The following FER variants were observed in gnomAD, a reference collection of about 807,000 sequenced individuals.
The protein encoded by FER is tyrosine-protein kinase Fer.
FER carries 63 observed loss-of-function variants against 111.0 expected under a neutral mutation model. The observed-to-expected ratio is 0.57, with a 90% CI of 0.46 to 0.70. The LOEUF (loss-of-function observed/expected upper bound fraction) is 0.70, where lower values mean the gene tolerates loss of function less well. FER is among the 30% of genes least tolerant of loss of function. The pLI is 0.00. For synonymous variants in FER, 327 were observed against 313.9 expected, an observed-to-expected ratio of 1.04 and a Z score of -0.44; for missense variants, 914 against 954.0, an observed-to-expected ratio of 0.96 and a Z score of 0.55.
chr5:108,915,634 A>G (rs1199284758), intron 10 of FER, among the ~76,000 whole-genome samples: 2 of 151,904 alleles, frequency 1.3e-5, no homozygotes, highest in Non-Finnish European at 2.9e-5. Context: ...CCTAATTAAA[A>G]TTTAATTTTG....
At chr5:108,812,457 G>A (rs1757864204) in intron 3 of FER, among the ~76,000 whole-genome samples, 1 of 152,092 alleles carries the variant, frequency 6.6e-6, no homozygotes, top group African/African-American at 2.4e-5. Context: ...TGGTATATTT[G>A]AAGTGGGTTT....
chr5:108,790,949 GT>G (rs1177561388), intron 2 of FER, among the ~76,000 whole-genome samples: 1 of 152,128 alleles, frequency 6.6e-6, no homozygotes, highest in African/African-American at 2.4e-5. Flanking sequence ...CATTTTCAAG[GT>G]TCATCCATGT....
At chr5:109,018,764 C>T (rs1183241069) in intron 13 of FER, among the ~76,000 whole-genome samples, 1 of 151,728 alleles carries the variant, frequency 6.6e-6, no homozygotes, top group African/African-American at 2.4e-5. Flanking sequence ...TCATCAAGTT[C>T]TGTAAGCAAA....
At chr5:109,161,106 G>A (rs1317945483) in intron 17 of FER, among the ~76,000 whole-genome samples, 3 of 152,070 alleles carry the variant, frequency 2.0e-5, no homozygotes, top group African/African-American at 7.2e-5. Context: ...AGGAGCAATG[G>A]CTTAAAGTAA....
intron 2 of FER, among the ~76,000 whole-genome samples, chr5:108,773,556 A>G (rs952862787): frequency 7.2e-5 from 11 of 152,136 alleles, no homozygotes; most frequent in East Asian, 3.8e-4. Flanking sequence ...ATAGTATTCC[A>G]TGGTATATAT....
chr5:109,025,147 T>C (rs1337481567), intron 13 of FER, among the ~76,000 whole-genome samples: 1 of 152,028 alleles, frequency 6.6e-6, no homozygotes, highest in African/African-American at 2.4e-5. Context: ...TTTTTTCCAA[T>C]TCTGTGAAGA....
At chr5:108,780,050 T>A (rs1254645240) in intron 2 of FER, among the ~76,000 whole-genome samples, 1 of 152,192 alleles carries the variant, frequency 6.6e-6, no homozygotes, top group Non-Finnish European at 1.5e-5. Context: ...TTAGATCGAC[T>A]GAGAGTGAGA....
intron 3 of FER, among the ~76,000 whole-genome samples, chr5:108,804,958 A>G (rs1187922104): frequency 1.4e-5 from 2 of 142,998 alleles, no homozygotes; most frequent in African/African-American, 2.7e-5. Context: ...CTGTGAATCC[A>G]TTTAGTCTGC....
intron 3 of FER, among the ~76,000 whole-genome samples, chr5:108,802,817 C>G (rs1259869505): frequency 6.6e-6 from 1 of 152,106 alleles, no homozygotes; most frequent in Non-Finnish European, 1.5e-5. Flanking sequence ...AAACAGGTGT[C>G]TGTTTGGTAG....
At chr5:108,777,394 T>C (rs1403773425) in intron 2 of FER, among the ~76,000 whole-genome samples, 1 of 152,232 alleles carries the variant, frequency 6.6e-6, no homozygotes, top group South Asian at 2.1e-4. Flanking sequence ...CAGAGTGGTA[T>C]ATTTGTTTAC....
chr5:108,971,296 A>AAAAAC (rs1554105255), intron 13 of FER, among the ~76,000 whole-genome samples: 1 of 147,778 alleles, frequency 6.8e-6, no homozygotes, highest in Non-Finnish European at 1.5e-5. Context: ...AAAAAAAAAA[A>AAAAAC]CCCAGAAAGA....
chr5:109,122,781 A>G (rs1751150538), intron 17 of FER, among the ~76,000 whole-genome samples: 2 of 152,116 alleles, frequency 1.3e-5, no homozygotes, highest in African/African-American at 4.8e-5. Flanking sequence ...TAATTGTTAT[A>G]TATCTTGCTG....
At chr5:108,963,639 C>T (rs1017976685) in intron 13 of FER, among the ~76,000 whole-genome samples, 4 of 152,118 alleles carry the variant, frequency 2.6e-5, no homozygotes, top group Admixed American at 2.6e-4. Flanking sequence ...AGACAACCAG[C>T]TTAAATTAAG....
intron 18 of FER, among the ~76,000 whole-genome samples, chr5:109,184,434 TAAAATTACCCAACAAAACCAGGTTCAAAG>T (rs1670782364): frequency 6.6e-6 from 1 of 152,206 alleles, no homozygotes; most frequent in African/African-American, 2.4e-5. Flanking sequence ...CTTGGTCTGT[TAAAATTACCCAACAAAACCAGGTTCAAAG>T]ATCCAGGTTT....
At chr5:108,752,121 A>C (rs564884897) in intron 1 of FER, among the ~76,000 whole-genome samples, 2 of 152,232 alleles carry the variant, frequency 1.3e-5, no homozygotes, top group South Asian at 2.1e-4. Context: ...TGAAGGAAAC[A>C]ATTAGGTCAC....
intron 13 of FER, among the ~76,000 whole-genome samples, chr5:109,025,088 G>T (rs990285456): frequency 6.6e-6 from 1 of 152,100 alleles, no homozygotes; most frequent in African/African-American, 2.4e-5. Flanking sequence ...GCTTAGGATT[G>T]ACTTGGCGAT....
intron 5 of FER, among the ~76,000 whole-genome samples, chr5:108,863,771 G>A (rs530709149): frequency 1.3e-5 from 2 of 152,084 alleles, no homozygotes; most frequent in Admixed American, 1.3e-4. Flanking sequence ...ATACCTCATA[G>A]TAAGGAGAAT....
At chr5:108,839,919 C>A (rs974226596) in intron 5 of FER, among the ~76,000 whole-genome samples, 9 of 151,996 alleles carry the variant, frequency 5.9e-5, no homozygotes, top group Non-Finnish European at 1.0e-4. Flanking sequence ...GATTCTTTAT[C>A]GGGACTGACT....
At chr5:109,143,073 T>A (rs1561949483) in intron 17 of FER, among the ~76,000 whole-genome samples, 1 of 152,150 alleles carries the variant, frequency 6.6e-6, no homozygotes, top group Non-Finnish European at 1.5e-5. Context: ...AGGACCCATC[T>A]ATGTTGAGTC....
Sources: allele counts gnomAD v4.1 joint callset (sites outside exome capture counted in the v4.1 genomes callset), GRCh38; gene constraint gnomAD v4.1.1; transcripts MANE v1.5; gene names NCBI Gene and HGNC (gene_info 2026-07-23, HGNC 2026-07-21).